The following SEL1L2 variants were observed in gnomAD, a reference collection of about 807,000 sequenced individuals.
SEL1L2 encodes SEL1L2 adaptor subunit of SYVN1 ubiquitin ligase, also known as protein sel-1 homolog 2.
Under a neutral mutation model 98.8 loss-of-function variants are expected in SEL1L2, and 89 were observed. That is an observed-to-expected ratio of 0.90 (90% CI 0.76 to 1.07). The LOEUF (loss-of-function observed/expected upper bound fraction) is 1.07. SEL1L2 is among the 50% of genes least tolerant of loss of function. The pLI is 0.00. For missense variants in SEL1L2, 788 were observed against 812.0 expected (o/e 0.97, Z 0.36); for synonymous variants, 262 against 278.5 (o/e 0.94, Z 0.59).
intron 3 of SEL1L2, among the ~76,000 whole-genome samples, chr20:13,922,791 T>C (rs946871070): frequency 1.3e-5 from 2 of 152,226 alleles, no homozygotes; most frequent in Non-Finnish European, 2.9e-5. Flanking sequence ...ATGTGCTATC[T>C]TTTTCCTTTT....
chr20:13,891,917 T>C (rs1023468592), intron 5 of SEL1L2, among the ~76,000 whole-genome samples: 14 of 152,126 alleles, frequency 9.2e-5, no homozygotes, highest in Non-Finnish European at 1.9e-4. Flanking sequence ...TGAAAAGGTA[T>C]GTATGTAGAC....
intron 1 of SEL1L2, among the ~76,000 whole-genome samples, chr20:13,960,996 T>C (rs1180508638): frequency 6.6e-6 from 1 of 152,212 alleles, no homozygotes; most frequent in Non-Finnish European, 1.5e-5. Flanking sequence ...TTCATTCAGC[T>C]CTAGAATTAT....
intron 4 of SEL1L2, among the ~76,000 whole-genome samples, chr20:13,914,280 T>C (rs2048315920): frequency 6.6e-6 from 1 of 152,198 alleles, no homozygotes; most frequent in Admixed American, 6.5e-5. Flanking sequence ...TGAGGAACTT[T>C]TTCTAAAATA....
chr20:13,862,537 C>T (rs1208317571), intron 17 of SEL1L2, among the ~76,000 whole-genome samples: 1 of 152,150 alleles, frequency 6.6e-6, no homozygotes, highest in African/African-American at 2.4e-5. Context: ...TGCATAACAT[C>T]CTTTGGAATT....
intron 1 of SEL1L2, among the ~76,000 whole-genome samples, chr20:13,981,945 C>A (rs532940127): frequency 4.6e-5 from 7 of 152,324 alleles, no homozygotes; most frequent in African/African-American, 1.7e-4. Context: ...ATATTTCCTG[C>A]TTCTACTGCT....
At chr20:13,862,004 C>G (rs765857949) in intron 17 of SEL1L2, among the ~76,000 whole-genome samples, 37 of 152,222 alleles carry the variant, frequency 2.4e-4, no homozygotes, top group Non-Finnish European at 4.7e-4. Context: ...CAGCATGTCA[C>G]TGTCATCTGA....
chr20:13,857,146 T>C (rs1390947341), intron 18 of SEL1L2, among the ~76,000 whole-genome samples: 1 of 151,464 alleles, frequency 6.6e-6, no homozygotes, highest in East Asian at 1.9e-4. Context: ...CAATGGTCCC[T>C]CATTAGCTCA....
intron 5 of SEL1L2, chr20:13,913,490 T>G: frequency 4.3e-6 from 1 of 232,492 alleles, no homozygotes; most frequent in Non-Finnish European, 8.2e-6. Flanking sequence ...ACATTTAGCT[T>G]ATAAAATATT....
In SEL1L2 at chr20:13,919,043, T is replaced by C; in HGVS notation, c.364A>G (p.Lys122Glu). 1 of 1,612,974 alleles carries C rather than the reference T, an allele frequency of 6.2e-7. No individual in the cohort carries two copies. Among genetic ancestry groups the C allele is most frequent in the Non-Finnish European group, 8.5e-7 (1 of 1,179,448 alleles). The stretch of plus-strand genomic sequence containing the variant: ...TACTCTTCTTTTTGTTTTTGGCTTT[T>C]AGACTGCTGGAGAACCTTGATGCCC... ...KMGIKVLQQS[K>E]SQKQKEEAYL... The change falls in exon 4 of 20, where the codon AAA becomes GAA. Residue 122 changes from lysine (K) to glutamate (E), a missense_variant. Physicochemically the swap from Lys to Glu is moderately conservative, Grantham distance 56. Coordinates refer to ENST00000284951, the MANE Select transcript of SEL1L2 (RefSeq NM_025229.2).
intron 5 of SEL1L2, among the ~76,000 whole-genome samples, chr20:13,898,283 C>T (rs565074849): frequency 1.4e-3 from 207 of 152,228 alleles, no homozygotes; most frequent in Non-Finnish European, 2.6e-3. Flanking sequence ...CATCCCCTGA[C>T]CCCACTGGAG....
intron 17 of SEL1L2, among the ~76,000 whole-genome samples, chr20:13,863,053 T>C (rs1274024151): frequency 1.3e-5 from 2 of 152,070 alleles, no homozygotes; most frequent in Non-Finnish European, 2.9e-5. Flanking sequence ...TCCAGATGCT[T>C]CCAAATGTAC....
chr20:13,930,585 A>G (rs750281505), intron 3 of SEL1L2, among the ~76,000 whole-genome samples: 6 of 152,226 alleles, frequency 3.9e-5, no homozygotes, highest in Non-Finnish European at 5.9e-5. Context: ...TTTCGATGTC[A>G]TATCTAGAGC....
At chr20:13,886,205 G>T in intron 9 of SEL1L2, 83 bp downstream of exon 9, 1 of 994,278 alleles carries the variant, frequency 1.0e-6, no homozygotes, top group Non-Finnish European at 1.5e-6. Flanking sequence ...ATGGGGCATT[G>T]TTCATCCCTC....
At chr20:13,981,437 A>T (rs1267147037) in intron 1 of SEL1L2, among the ~76,000 whole-genome samples, 1 of 152,204 alleles carries the variant, frequency 6.6e-6, no homozygotes, top group Non-Finnish European at 1.5e-5. Flanking sequence ...TTACTAAAAT[A>T]GTAGATTTCA....
intron 5 of SEL1L2, among the ~76,000 whole-genome samples, chr20:13,906,961 G>A (rs144424208): frequency 0.027 from 4,069 of 152,240 alleles, 80 homozygotes; most frequent in Middle Eastern, 0.058. Flanking sequence ...TTACAGGCAT[G>A]AGCCACCACA....
intron 3 of SEL1L2, among the ~76,000 whole-genome samples, chr20:13,920,600 C>T (rs1039609274): frequency 6.6e-6 from 1 of 152,126 alleles, no homozygotes; most frequent in African/African-American, 2.4e-5. Context: ...CACACACACA[C>T]ACACATACAG....
intron 5 of SEL1L2, among the ~76,000 whole-genome samples, chr20:13,895,911 G>A (rs932019407): frequency 6.6e-5 from 10 of 152,158 alleles, no homozygotes; most frequent in South Asian, 2.1e-4. Context: ...GGTGGCTCAC[G>A]CCTGTAATCC....
At chr20:13,922,562 A>C (rs1385157427) in intron 3 of SEL1L2, among the ~76,000 whole-genome samples, 4 of 152,244 alleles carry the variant, frequency 2.6e-5, no homozygotes, top group Non-Finnish European at 4.4e-5. Flanking sequence ...AATTGAAATC[A>C]GATTTTAAAA....
chr20:13,901,162 C>T (rs1332820466), intron 5 of SEL1L2, among the ~76,000 whole-genome samples: 1 of 151,218 alleles, frequency 6.6e-6, no homozygotes, highest in African/African-American at 2.4e-5. Context: ...GCTCCGCCTC[C>T]CGGGTTCATG....
Sources: allele counts gnomAD v4.1 joint callset (sites outside exome capture counted in the v4.1 genomes callset), GRCh38; gene constraint gnomAD v4.1.1; transcripts MANE v1.5; gene names NCBI Gene and HGNC (gene_info 2026-07-23, HGNC 2026-07-21).